Variants in NKAIN3 observed in about 807,000 individuals in gnomAD.
NKAIN3 encodes the protein sodium/potassium transporting ATPase interacting 3.
A neutral mutation model predicts 30.2 loss-of-function variants in NKAIN3; 25 were observed. That is an observed-to-expected ratio of 0.83 (90% CI 0.60 to 1.16). The LOEUF is 1.16. Among genes scored for constraint, NKAIN3 ranks in the 50% most tolerant of loss-of-function variants. NKAIN3 has a pLI of 0.00. For missense variants in NKAIN3, 225 were observed against 254.1 expected (o/e 0.89, Z 0.78); for synonymous variants, 91 against 89.6 (o/e 1.02, Z -0.09).
At chr8:62,788,259 G>T (rs1420501900) in intron 4 of NKAIN3, among the ~76,000 whole-genome samples, 1 of 152,158 alleles carries the variant, frequency 6.6e-6, no homozygotes, top group Non-Finnish European at 1.5e-5. Context: ...ATCTCATTAT[G>T]GTTTTGATTT....
At chr8:62,677,053 T>C (rs1813500247) in intron 3 of NKAIN3, among the ~76,000 whole-genome samples, 1 of 152,152 alleles carries the variant, frequency 6.6e-6, no homozygotes, top group South Asian at 2.1e-4. Flanking sequence ...GCATAAGTGC[T>C]GGGGTCTTGT....
chr8:62,320,179 T>G (rs1814822670), intron 1 of NKAIN3, among the ~76,000 whole-genome samples: 4 of 152,198 alleles, frequency 2.6e-5, no homozygotes, highest in Admixed American at 1.3e-4. Context: ...GTTTTCCATT[T>G]GCTTGGTAGA....
At chr8:62,809,819 CA>C in intron 4 of NKAIN3, among the ~76,000 whole-genome samples, 1 of 152,314 alleles carries the variant, frequency 6.6e-6, no homozygotes. Context: ...TTTGATCACA[CA>C]GCTGAGAAAC....
chr8:62,929,082 A>G (rs1008788527), intron 5 of NKAIN3, among the ~76,000 whole-genome samples: 2 of 152,226 alleles, frequency 1.3e-5, no homozygotes, highest in African/African-American at 4.8e-5. Context: ...GGCAAAGGCC[A>G]GGAGACCATT....
At chr8:62,280,521 T>C (rs950758280) in intron 1 of NKAIN3, among the ~76,000 whole-genome samples, 4 of 152,186 alleles carry the variant, frequency 2.6e-5, no homozygotes, top group Non-Finnish European at 5.9e-5. Flanking sequence ...TTCTCATAAA[T>C]AGCTCTTATT....
At chr8:62,283,383 A>G (rs984233737) in intron 1 of NKAIN3, among the ~76,000 whole-genome samples, 2 of 152,162 alleles carry the variant, frequency 1.3e-5, no homozygotes, top group Non-Finnish European at 2.9e-5. Context: ...TCCATAGAAC[A>G]AAACATTACT....
intron 4 of NKAIN3, among the ~76,000 whole-genome samples, chr8:62,880,527 G>A (rs1443768077): frequency 6.6e-6 from 1 of 152,234 alleles, no homozygotes; most frequent in Non-Finnish European, 1.5e-5. Context: ...GATGAGAAGA[G>A]ATAGAGGACC....
chr8:62,274,703 T>C (rs1414052967), intron 1 of NKAIN3, among the ~76,000 whole-genome samples: 1 of 152,032 alleles, frequency 6.6e-6, no homozygotes, highest in Non-Finnish European at 1.5e-5. Flanking sequence ...CATTAACTCG[T>C]CATTTAGCAT....
intron 4 of NKAIN3, among the ~76,000 whole-genome samples, chr8:62,768,788 A>G (rs888198012): frequency 9.2e-5 from 14 of 152,192 alleles, no homozygotes; most frequent in African/African-American, 3.1e-4. Context: ...TCCTTCTTAA[A>G]TTTAACAATC....
At chr8:62,908,152 C>T (rs758591785) in intron 4 of NKAIN3, among the ~76,000 whole-genome samples, 36 of 152,014 alleles carry the variant, frequency 2.4e-4, no homozygotes, top group Non-Finnish European at 4.3e-4. Context: ...ATCATTTTGG[C>T]GCTTACTGCC....
intron 4 of NKAIN3, among the ~76,000 whole-genome samples, chr8:62,779,909 A>G (rs1817304672): frequency 6.6e-6 from 1 of 152,128 alleles, no homozygotes; most frequent in Non-Finnish European, 1.5e-5. Flanking sequence ...GAAAAAAAGA[A>G]CAAACAAAAC....
intron 5 of NKAIN3, among the ~76,000 whole-genome samples, chr8:62,996,104 G>A (rs1804105625): frequency 1.3e-5 from 2 of 152,202 alleles, no homozygotes; most frequent in African/African-American, 4.8e-5. Context: ...GAAGCTGTCT[G>A]TATTGGTCTT....
chr8:62,832,130 A>G (rs1393786383), intron 4 of NKAIN3, among the ~76,000 whole-genome samples: 1 of 152,074 alleles, frequency 6.6e-6, no homozygotes, highest in Non-Finnish European at 1.5e-5. Flanking sequence ...CATAAGTGAG[A>G]GAGAAATAAA....
At chr8:62,268,658 A>G (rs1812680699) in intron 1 of NKAIN3, among the ~76,000 whole-genome samples, 1 of 152,178 alleles carries the variant, frequency 6.6e-6, no homozygotes, top group South Asian at 2.1e-4. Flanking sequence ...TTCCCTCCAC[A>G]CAGTCAGTAT....
intron 5 of NKAIN3, chr8:62,990,154 T>A: frequency 4.3e-6 from 5 of 1,171,978 alleles, no homozygotes; most frequent in Non-Finnish European, 6.1e-6. Context: ...AATCAACTTA[T>A]TTTTTATTCT....
chr8:62,299,037 G>C (rs949581176), intron 1 of NKAIN3, among the ~76,000 whole-genome samples: 24 of 151,832 alleles, frequency 1.6e-4, no homozygotes, highest in African/African-American at 5.6e-4. Context: ...TAAATGAAAA[G>C]TATAGAGATG....
chr8:62,284,521 G>T (rs142050756), intron 1 of NKAIN3, among the ~76,000 whole-genome samples: 1 of 152,082 alleles, frequency 6.6e-6, no homozygotes, highest in Admixed American at 6.6e-5. Flanking sequence ...AGCTACTTGG[G>T]AGGCTGAGGC....
chr8:62,895,378 AG>A (rs1402546428), intron 4 of NKAIN3, among the ~76,000 whole-genome samples: 1 of 152,238 alleles, frequency 6.6e-6, no homozygotes, highest in Non-Finnish European at 1.5e-5. Context: ...AAAGAGGAGC[AG>A]TCACAAACCA....
At chr8:62,293,522 G>A (rs903170259) in intron 1 of NKAIN3, among the ~76,000 whole-genome samples, 2 of 152,072 alleles carry the variant, frequency 1.3e-5, no homozygotes, top group Non-Finnish European at 2.9e-5. Flanking sequence ...TGTTTGCCTG[G>A]GTATCACCAG....
Sources: allele counts gnomAD v4.1 joint callset (sites outside exome capture counted in the v4.1 genomes callset), GRCh38; gene constraint gnomAD v4.1.1; transcripts MANE v1.5; gene names NCBI Gene and HGNC (gene_info 2026-07-23, HGNC 2026-07-21).